RABGAP1L: variants seen among roughly 807,000 people sequenced by gnomAD.
RABGAP1L encodes RAB GTPase activating protein 1 like, also known as rab GTPase-activating protein 1-like.
RABGAP1L carries 63 observed loss-of-function variants against 137.7 expected under a neutral mutation model. That is an observed-to-expected ratio of 0.46 (90% CI 0.37 to 0.56). The LOEUF is 0.56. RABGAP1L is among the 20% of genes least tolerant of loss of function. The pLI, the probability that RABGAP1L is intolerant of heterozygous loss-of-function variation, is 0.00. For synonymous variants in RABGAP1L, 431 were observed against 433.7 expected, an observed-to-expected ratio of 0.99 and a Z score of 0.08; for missense variants, 1,095 against 1,244.0, an observed-to-expected ratio of 0.88 and a Z score of 1.80.
At chr1:174,515,825 T>C (rs778080413) in intron 13 of RABGAP1L, among the ~76,000 whole-genome samples, 1 of 152,086 alleles carries the variant, frequency 6.6e-6, no homozygotes, top group African/African-American at 2.4e-5. Flanking sequence ...GGTAAAGGCA[T>C]AACTCTGGAA....
At chr1:174,829,919 T>G (rs1331219728) in intron 19 of RABGAP1L, among the ~76,000 whole-genome samples, 1 of 148,522 alleles carries the variant, frequency 6.7e-6, no homozygotes, top group African/African-American at 2.5e-5. Flanking sequence ...GTATCAATTA[T>G]CTATTGCTGT....
chr1:174,484,249 G>A (rs1659416313), intron 13 of RABGAP1L, among the ~76,000 whole-genome samples: 2 of 152,112 alleles, frequency 1.3e-5, no homozygotes, highest in South Asian at 4.1e-4. Flanking sequence ...TAATAAGATT[G>A]TTAGATTTTT....
In RABGAP1L at chr1:174,577,201, G is replaced by T. The variant is rs190656039; in HGVS notation, c.1711-60174G>T. On this transcript the variant is annotated intron_variant, in intron 13 of 25. Coordinates refer to ENST00000681986, the MANE Select transcript of RABGAP1L (RefSeq NM_001366446.1). Reference sequence around the variant, plus strand: ...ACAGAGTGAGACCCTGTCTGTTAGGGGGAAAAAATACACACACACACACAC... The same window carrying T: ...ACAGAGTGAGACCCTGTCTGTTAGGTGGAAAAAATACACACACACACACAC... Among the ~76,000 whole-genome samples, 66 of 139,704 alleles carry T rather than the reference G, an allele frequency of 4.7e-4. 1 individual carries two copies. The highest frequency in any genetic ancestry group is 1.7e-3 in the African/African-American group (62 of 36,842). The allele number at this position is 139,704 out of a possible 152,430, so 91.7% of individuals were successfully genotyped here. A position where few individuals can be genotyped will look rare whatever the true frequency, so the allele number is the denominator to read the frequency against.
intron 11 of RABGAP1L, among the ~76,000 whole-genome samples, chr1:174,363,162 C>G (rs187291494): frequency 6.6e-6 from 1 of 152,264 alleles, no homozygotes; most frequent in East Asian, 1.9e-4. Context: ...TATATCAGTG[C>G]CATGCTGTCT....
At chr1:174,461,922 A>G (rs1043109482) in intron 13 of RABGAP1L, among the ~76,000 whole-genome samples, 8 of 152,124 alleles carry the variant, frequency 5.3e-5, no homozygotes, top group Non-Finnish European at 8.8e-5. Context: ...GGTTTTTTCC[A>G]TAATGTTTAT....
At chr1:174,719,289 G>T (rs1268476867) in intron 17 of RABGAP1L, among the ~76,000 whole-genome samples, 4 of 152,050 alleles carry the variant, frequency 2.6e-5, no homozygotes, top group South Asian at 2.1e-4. Flanking sequence ...GATAAAATTG[G>T]ATTTTATTTG....
chr1:174,305,687 CAATT>C (rs1223023848), intron 11 of RABGAP1L, among the ~76,000 whole-genome samples: 1 of 151,836 alleles, frequency 6.6e-6, no homozygotes, highest in Non-Finnish European at 1.5e-5. Context: ...CACCTGCCCT[CAATT>C]AATTTTTTAA....
chr1:174,547,780 C>CTATGCATAGATGCAAT, intron 13 of RABGAP1L: 5 of 1,372,326 alleles, frequency 3.6e-6, no homozygotes, highest in Non-Finnish European at 5.0e-6. Flanking sequence ...TTAGATGCAT[C>CTATGCATAGATGCAAT]AGTTTATTAC....
Position 174,204,256 on chromosome 1 carries a change from A to G in RABGAP1L, c.-33-14869A>G, listed in dbSNP as rs190890097. Among the ~76,000 whole-genome samples the G allele has an allele frequency of 1.5e-3, 222 of 152,208 alleles. 1 individual carries two copies. Among genetic ancestry groups the G allele is most frequent in the Non-Finnish European group, 2.6e-3 (178 of 68,006 alleles). On this transcript the variant is annotated intron_variant, in intron 1 of 25. Transcript: ENST00000681986. Reference sequence around the variant, plus strand: ...GTGAGCCACTGTGCCTGGCCTGTACATTGATTTTGTATCCTGAAACTTTGC... The same window carrying G: ...GTGAGCCACTGTGCCTGGCCTGTACGTTGATTTTGTATCCTGAAACTTTGC...
At chr1:174,853,558 T>C (rs901464673) in intron 19 of RABGAP1L, among the ~76,000 whole-genome samples, 2 of 152,028 alleles carry the variant, frequency 1.3e-5, no homozygotes, top group Admixed American at 6.6e-5. Context: ...GGTGAAACCC[T>C]GTCTCTACTA....
chr1:174,865,926 G>A (rs1013623805), intron 19 of RABGAP1L, among the ~76,000 whole-genome samples: 3 of 152,110 alleles, frequency 2.0e-5, no homozygotes, highest in Admixed American at 1.3e-4. Context: ...TATCTCATTT[G>A]CATTGTCAAC....
chr1:174,217,822 A>G (rs1388939819), intron 1 of RABGAP1L, among the ~76,000 whole-genome samples: 1 of 152,160 alleles, frequency 6.6e-6, no homozygotes, highest in Non-Finnish European at 1.5e-5. Flanking sequence ...GAAAGTAATT[A>G]CTTTTTAAAA....
intron 7 of RABGAP1L, among the ~76,000 whole-genome samples, chr1:174,271,066 T>G (rs1317022430): frequency 3.9e-5 from 6 of 152,144 alleles, no homozygotes; most frequent in Non-Finnish European, 7.4e-5. Flanking sequence ...CAAGAATTCA[T>G]AGGAGAGAGA....
intron 19 of RABGAP1L, among the ~76,000 whole-genome samples, chr1:174,954,741 G>A (rs1257845144): frequency 6.6e-6 from 1 of 152,112 alleles, no homozygotes; most frequent in African/African-American, 2.4e-5. Context: ...GTGGGAAAAT[G>A]GCTCCTGGAG....
intron 11 of RABGAP1L, among the ~76,000 whole-genome samples, chr1:174,328,004 T>C (rs867341063): frequency 0.011 from 1,287 of 121,666 alleles, 87 homozygotes; most frequent in African/African-American, 0.057. Context: ...TATATATATA[T>C]ATATATATAT....
At chr1:174,483,274 C>A (rs12067772) in intron 13 of RABGAP1L, among the ~76,000 whole-genome samples, 18,261 of 152,060 alleles carry the variant, frequency 0.12, 3,706 homozygotes, top group African/African-American at 0.41. Context: ...ACTTCTCTCC[C>A]ACCCCCTGCC....
At chr1:174,705,985 GA>G (rs1189306630) in intron 17 of RABGAP1L, among the ~76,000 whole-genome samples, 2 of 152,136 alleles carry the variant, frequency 1.3e-5, no homozygotes, top group Admixed American at 6.5e-5. Context: ...CTCTCAGGTA[GA>G]AAAGTATTGA....
At chr1:174,434,102 TACACATAC>T (rs1474015316) in intron 13 of RABGAP1L, among the ~76,000 whole-genome samples, 117 of 102,842 alleles carry the variant, frequency 1.1e-3, no homozygotes, top group African/African-American at 5.0e-3. Flanking sequence ...CGCATGCGTG[TACACATAC>T]ACACACACAC....
chr1:174,852,563 C>T (rs1409687082), intron 19 of RABGAP1L, among the ~76,000 whole-genome samples: 1 of 152,148 alleles, frequency 6.6e-6, no homozygotes, highest in Non-Finnish European at 1.5e-5. Context: ...CCTGTAATCC[C>T]AGCAATTTGG....
Sources: allele counts gnomAD v4.1 joint callset (sites outside exome capture counted in the v4.1 genomes callset), GRCh38; gene constraint gnomAD v4.1.1; transcripts MANE v1.5; gene names NCBI Gene and HGNC (gene_info 2026-07-23, HGNC 2026-07-21).